Variants in DENND2A observed in about 807,000 individuals in gnomAD.
DENND2A encodes the protein DENN domain containing 2A, also known as DENN domain-containing protein 2A.
A neutral mutation model predicts 105.3 loss-of-function variants in DENND2A; 53 were observed. The ratio of observed to expected loss-of-function variants is 0.50; its 90% CI spans 0.40 to 0.63. DENND2A has a LOEUF of 0.63. Among genes scored for constraint, DENND2A ranks in the 30% least tolerant of loss-of-function variants. The pLI is 0.00. For synonymous variants in DENND2A, 522 were observed against 508.4 expected (o/e 1.03, Z -0.36); for missense variants, 1,138 against 1,279.6 (o/e 0.89, Z 1.69).
chr7:140,573,729 C>T, intron 6 of DENND2A, 79 bp downstream of exon 6: 1 of 1,473,284 alleles, frequency 6.8e-7, no homozygotes, highest in Non-Finnish European at 9.3e-7. Flanking sequence ...ATGTATTCTC[C>T]ACCCAGACCC....
chr7:140,641,196 A>G (rs1161827130), upstream of DENND2A, among the ~76,000 whole-genome samples: 2 of 151,448 alleles, frequency 1.3e-5, no homozygotes, highest in African/African-American at 4.9e-5. Context: ...CACCTCGGGC[A>G]GTGAGTCAGG....
intron 18 of DENND2A, among the ~76,000 whole-genome samples, chr7:140,521,261 A>C (rs1795849780): frequency 6.6e-6 from 1 of 151,426 alleles, no homozygotes; most frequent in Admixed American, 6.6e-5. Flanking sequence ...CATACTCTCC[A>C]ATCAGTTTTC....
At chr7:140,620,552 A>G (rs1195635756) in intron 1 of DENND2A, among the ~76,000 whole-genome samples, 1 of 152,142 alleles carries the variant, frequency 6.6e-6, no homozygotes, top group African/African-American at 2.4e-5. Flanking sequence ...CATATATTAT[A>G]ATTGCTATTG....
At chr7:140,555,228 G>A (rs1585619238) in intron 12 of DENND2A, among the ~76,000 whole-genome samples, 2 of 151,864 alleles carry the variant, frequency 1.3e-5, no homozygotes, top group East Asian at 1.9e-4. Flanking sequence ...CCGCCTCCCG[G>A]GTTCAAGTGA....
In DENND2A at chr7:140,529,427, C is replaced by A. The variant is rs1274353058; in HGVS notation, c.2328-1932G>T. Among the ~76,000 whole-genome samples the A allele has an allele frequency of 2.0e-5, 3 of 152,274 alleles. No homozygotes were observed. The East Asian group carries it at 5.8e-4, about 29-fold the overall frequency. ...CTAGAACTAGAAATACCATTTGACC[C>A]AGCCATCCCATTACTGGGTATATAC... On this transcript the variant is annotated intron_variant, in intron 14 of 19. Transcript: ENST00000496613.
At chr7:140,615,363 T>C (rs1485992159) in intron 1 of DENND2A, among the ~76,000 whole-genome samples, 1 of 152,086 alleles carries the variant, frequency 6.6e-6, no homozygotes, top group Non-Finnish European at 1.5e-5. Flanking sequence ...GGGGGACATA[T>C]TTGGCAAAAC....
intron 5 of DENND2A, among the ~76,000 whole-genome samples, chr7:140,575,765 C>G (rs902006370): frequency 6.6e-6 from 1 of 151,956 alleles, no homozygotes; most frequent in Admixed American, 6.6e-5. Context: ...GTCAGGAGTT[C>G]GAGACCAGCC....
chr7:140,571,631 A>G (rs1014285262), intron 6 of DENND2A, among the ~76,000 whole-genome samples: 2 of 151,982 alleles, frequency 1.3e-5, no homozygotes, highest in Admixed American at 1.3e-4. Flanking sequence ...AAACACTCCA[A>G]CTTTCTAACA....
chr7:140,632,218 A>G (rs1800757316), intron 1 of DENND2A, among the ~76,000 whole-genome samples: 1 of 152,250 alleles, frequency 6.6e-6, no homozygotes, highest in South Asian at 2.1e-4. Flanking sequence ...GGCAGTTACT[A>G]TTTTTCCATG....
At chr7:140,616,871 T>C (rs909289877) in intron 1 of DENND2A, among the ~76,000 whole-genome samples, 3 of 152,178 alleles carry the variant, frequency 2.0e-5, no homozygotes, top group Admixed American at 1.3e-4. Context: ...AGTATTTATT[T>C]TTTTGAGACA....
At chr7:140,554,824 A>G (rs1797291277) in intron 12 of DENND2A, among the ~76,000 whole-genome samples, 1 of 152,168 alleles carries the variant, frequency 6.6e-6, no homozygotes, top group Non-Finnish European at 1.5e-5. Context: ...ATGTTGGCTC[A>G]TTTTCCAGAA....
At chr7:140,557,421 T>C (rs1002490060) in intron 11 of DENND2A, among the ~76,000 whole-genome samples, 2 of 148,374 alleles carry the variant, frequency 1.3e-5, no homozygotes, top group Non-Finnish European at 3.0e-5. Context: ...AAAAGTATTT[T>C]CTTTCTGATG....
intron 14 of DENND2A, among the ~76,000 whole-genome samples, chr7:140,535,476 G>T (rs1796423053): frequency 6.6e-6 from 1 of 152,040 alleles, no homozygotes; most frequent in Admixed American, 6.6e-5. Flanking sequence ...CTCAGGTAAA[G>T]CCCTGAACTG....
chr7:140,578,907 G>A (rs1421317840), intron 5 of DENND2A, among the ~76,000 whole-genome samples: 1 of 152,140 alleles, frequency 6.6e-6, no homozygotes, highest in Non-Finnish European at 1.5e-5. Context: ...GGCTTACAAG[G>A]GCATTCTAAC....
chr7:140,557,531 ATT>A (rs1156756617), intron 11 of DENND2A, among the ~76,000 whole-genome samples: 254 of 39,498 alleles, frequency 6.4e-3, no homozygotes, highest in Non-Finnish European at 0.01. Flanking sequence ...ATATATATAT[ATT>A]TTTTTTTTTT....
chr7:140,543,025 ACTGCCTCTAC>A (rs1796736043), intron 14 of DENND2A, among the ~76,000 whole-genome samples: 1 of 151,720 alleles, frequency 6.6e-6, no homozygotes, highest in South Asian at 2.1e-4. Context: ...TCCAGAACTC[ACTGCCTCTAC>A]CTGCCTCTAA....
At chr7:140,569,498 C>G in intron 7 of DENND2A, 147 bp downstream of exon 7, 1 of 685,162 alleles carries the variant, frequency 1.5e-6, no homozygotes, top group Admixed American at 2.2e-5. Context: ...CCAGCCCCAC[C>G]ACTGTCCCAA....
chr7:140,620,156 A>G (rs887534484), intron 1 of DENND2A, among the ~76,000 whole-genome samples: 1 of 152,060 alleles, frequency 6.6e-6, no homozygotes, highest in African/African-American at 2.4e-5. Context: ...AGATTGCGAC[A>G]CTGCACTCCA....
chr7:140,636,568 T>C (rs1239432450), intron 1 of DENND2A, among the ~76,000 whole-genome samples: 1 of 151,894 alleles, frequency 6.6e-6, no homozygotes, highest in Admixed American at 6.6e-5. Context: ...ACGTGACTGC[T>C]AGAGCAGCCA....
Sources: gnomAD v4.1 joint callset for allele counts (sites outside exome capture counted in the v4.1 genomes callset) on GRCh38, gnomAD v4.1.1 for gene constraint, MANE v1.5 for transcripts, NCBI Gene and HGNC (gene_info 2026-07-23, HGNC 2026-07-21) for gene names.